Variants in MYBPC1 observed in about 807,000 individuals in gnomAD.
MYBPC1 encodes the protein myosin-binding protein C, slow-type.
MYBPC1 carries 52 observed loss-of-function variants against 147.1 expected under a neutral mutation model. The observed-to-expected ratio is 0.35, with a 90% CI of 0.28 to 0.45. The LOEUF is 0.45. Among genes scored for constraint, MYBPC1 ranks in the 20% least tolerant of loss-of-function variants. The pLI is 1.00. For synonymous variants in MYBPC1, 477 were observed against 475.9 expected (o/e 1.00, Z -0.03); for missense variants, 1,228 against 1,440.3 (o/e 0.85, Z 2.39).
intron 28 of MYBPC1, 127 bp downstream of exon 28, chr12:101,678,365 G>A (rs1408363655): frequency 2.2e-5 from 29 of 1,332,796 alleles, no homozygotes; most frequent in South Asian, 3.6e-5. Flanking sequence ...TTAGAAGGTG[G>A]TAGTGGTGGT....
chr12:101,614,007 G>A (rs1885137288), intron 1 of MYBPC1, among the ~76,000 whole-genome samples: 1 of 152,162 alleles, frequency 6.6e-6, no homozygotes, highest in South Asian at 2.1e-4. Context: ...TCTCATTTCT[G>A]CACCGACCTT....
chr12:101,647,986 G>C, intron 13 of MYBPC1, 59 bp from the exon 14 acceptor site: 3 of 1,364,998 alleles, frequency 2.2e-6, no homozygotes, highest in Non-Finnish European at 3.1e-6. Flanking sequence ...AAGAAATCAG[G>C]GCTCATGGGA....
chr12:101,646,158 A>G (rs1321414125), intron 12 of MYBPC1, among the ~76,000 whole-genome samples: 2 of 152,216 alleles, frequency 1.3e-5, no homozygotes, highest in Non-Finnish European at 2.9e-5. Flanking sequence ...ACAGTGGGTT[A>G]AAAAAATTAA....
intron 12 of MYBPC1, among the ~76,000 whole-genome samples, chr12:101,646,384 C>T (rs964960456): frequency 3.3e-5 from 5 of 151,956 alleles, no homozygotes; most frequent in Admixed American, 6.5e-5. Context: ...CGATGGCTCA[C>T]GCCTGTAATC....
In MYBPC1 at chr12:101,632,083, C is replaced by T. The variant is rs772999474; in HGVS notation, c.501C>T (p.Cys167=). ...ATAACTTTGCAGGAAATTACAGATG[C>T]GAGGTCACCTATAAGGATAAGTTTG... ...AKDNFAGNYR[C]EVTYKDKFDS... Residue 167 remains cysteine, a synonymous_variant, in exon 8 of 32, where the codon TGC becomes TGT. Coordinates refer to ENST00000361466, the MANE Select transcript of MYBPC1 (RefSeq NM_002465.4). 3.0e-5 allele frequency: 49 copies of T among 1,613,926 alleles called. No individual in the cohort carries two copies. The highest frequency in any genetic ancestry group is 6.7e-5 in the Admixed American group (4 of 60,000).
At position 101,663,311 on chromosome 12, in the gene MYBPC1, A is replaced by T. The variant is rs1390303547; in HGVS notation, c.2222-115A>T. On this transcript the variant is annotated intron_variant, in intron 21 of 31. Coordinates refer to ENST00000361466, the MANE Select transcript of MYBPC1 (RefSeq NM_002465.4). The stretch of plus-strand genomic sequence containing the variant: ...AAGGTGTCTTAACTGAATTTCATTA[A>T]GATGTAGGGCTTTTGTGTCTATTTT... The T allele has an allele frequency of 1.7e-5, 16 of 930,440 alleles. No homozygotes were observed. In the Admixed American group the frequency reaches 2.8e-4, roughly 16 times the overall value. 57.6% of individuals were successfully genotyped at this position (930,440 alleles called of 1,614,324 possible). A position where few individuals can be genotyped will look rare whatever the true frequency, so the allele number is the denominator to read the frequency against.
intron 3 of MYBPC1, among the ~76,000 whole-genome samples, chr12:101,624,683 ATTT>A (rs57175970): frequency 2.3e-4 from 23 of 99,104 alleles, no homozygotes; most frequent in Non-Finnish European, 3.6e-4. Context: ...CGGCTAATTA[ATTT>A]TTTTTTTTTT....
downstream of MYBPC1, among the ~76,000 whole-genome samples, chr12:101,687,121 C>T (rs142614295): frequency 0.045 from 6,862 of 151,842 alleles, 160 homozygotes; most frequent in Non-Finnish European, 0.052. Context: ...ATGTGCGCAA[C>T]GTGCAGGTTT....
intron 13 of MYBPC1, 135 bp downstream of exon 13, chr12:101,647,022 T>C (rs1257102695): frequency 8.5e-7 from 1 of 1,173,034 alleles, no homozygotes; most frequent in Non-Finnish European, 1.3e-6. Context: ...TTCTGGTTTG[T>C]TGAAGACTAG....
intron 18 of MYBPC1, among the ~76,000 whole-genome samples, chr12:101,656,901 C>T (rs1895640209): frequency 6.6e-6 from 1 of 152,130 alleles, no homozygotes; most frequent in Admixed American, 6.5e-5. Context: ...ATTACACATT[C>T]TTTTCAAGCA....
At chr12:101,610,261 A>T (rs1191012910) in intron 1 of MYBPC1, among the ~76,000 whole-genome samples, 2 of 152,186 alleles carry the variant, frequency 1.3e-5, no homozygotes, top group African/African-American at 4.8e-5. Context: ...TCTCACCATG[A>T]TTGATTAATT....
chr12:101,601,487 G>C (rs1274362136), intron 1 of MYBPC1, among the ~76,000 whole-genome samples: 1 of 152,128 alleles, frequency 6.6e-6, no homozygotes, highest in Non-Finnish European at 1.5e-5. Context: ...TGATTGATTT[G>C]GCAGAGGCGG....
rs1893580048 is a variant in MYBPC1, at chr12:101,647,989, T to C, written c.1091-56T>C. The stretch of plus-strand genomic sequence containing the variant: ...TTTTCATCTGTGAAGAAATCAGGGC[T>C]CATGGGATAGGCTTTGGATATTTAA... On this transcript the variant is annotated intron_variant, in intron 13 of 31. Transcript: ENST00000361466. 3 of 1,398,686 alleles carry C rather than the reference T, an allele frequency of 2.1e-6. No individual in the cohort carries two copies. In the Admixed American group the frequency reaches 5.1e-5, roughly 24 times the overall value. The allele number at this position is 1,398,686 out of a possible 1,614,324, so 86.6% of individuals were successfully genotyped here.
intron 6 of MYBPC1, among the ~76,000 whole-genome samples, chr12:101,630,126 T>G (rs959032350): frequency 6.6e-6 from 1 of 152,218 alleles, no homozygotes; most frequent in Non-Finnish European, 1.5e-5. Context: ...TATTTCATAT[T>G]AATGGGATCA....
intron 29 of MYBPC1, among the ~76,000 whole-genome samples, chr12:101,680,951 A>G (rs1179975638): frequency 1.3e-5 from 2 of 152,186 alleles, no homozygotes; most frequent in East Asian, 3.8e-4. Context: ...TAATTAGTTT[A>G]CTATTTTGTA....
intron 9 of MYBPC1, among the ~76,000 whole-genome samples, chr12:101,635,911 TAG>T (rs1890886909): frequency 6.6e-6 from 1 of 152,194 alleles, no homozygotes; most frequent in Non-Finnish European, 1.5e-5. Context: ...AGCTTCTGGT[TAG>T]AGTTTATATG....
At chr12:101,606,466 A>ATTT (rs34796532) in intron 1 of MYBPC1, among the ~76,000 whole-genome samples, 19,115 of 141,140 alleles carry the variant, frequency 0.14, 1,474 homozygotes, top group African/African-American at 0.16. Flanking sequence ...TCAATTTAGT[A>ATTT]TTTTTTTTTT....
chr12:101,659,744 G>C lies in MYBPC1; in HGVS notation c.1840G>C (p.Ala614Pro). The C allele has an allele frequency of 6.2e-7, 1 of 1,614,112 alleles. No individual in the cohort carries two copies. Among genetic ancestry groups the C allele is most frequent in the Non-Finnish European group, 8.5e-7 (1 of 1,179,998 alleles). The part of the protein sequence containing the change: ...PDSSTLVIDI[A>P]ERDDSGVYHI... ...TAGCAGCACTCTGGTCATTGATATAGCTGAAAGAGATGACTCTGGTGTTTA... is the reference window on the plus strand; with the variant it reads ...TAGCAGCACTCTGGTCATTGATATACCTGAAAGAGATGACTCTGGTGTTTA... Residue 614 changes from alanine (A) to proline (P), a missense_variant, in exon 19 of 32, where the codon GCT (alanine) becomes CCT (proline). Transcript: ENST00000361466.
intron 10 of MYBPC1, among the ~76,000 whole-genome samples, chr12:101,638,327 C>T (rs1186788355): frequency 1.3e-5 from 2 of 152,154 alleles, no homozygotes; most frequent in Admixed American, 6.5e-5. Flanking sequence ...AGGATAGATA[C>T]ACTTTTGTGG....
Sources: gnomAD v4.1 joint callset for allele counts (sites outside exome capture counted in the v4.1 genomes callset) on GRCh38, gnomAD v4.1.1 for gene constraint, MANE v1.5 for transcripts, NCBI Gene and HGNC (gene_info 2026-07-23, HGNC 2026-07-21) for gene names.